JAZF1: variants seen among roughly 807,000 people sequenced by gnomAD.
The protein encoded by JAZF1 is juxtaposed with another zinc finger protein 1.
In JAZF1, 8 loss-of-function variants were observed where a neutral mutation model predicts 26.4. The ratio of observed to expected loss-of-function variants is 0.30; its 90% confidence interval spans 0.18 to 0.55. JAZF1 has a LOEUF of 0.55. Among genes scored for constraint, JAZF1 ranks in the 20% least tolerant of loss-of-function variants. The pLI is 0.94. For synonymous variants in JAZF1, 126 were observed against 122.3 expected, an observed-to-expected ratio of 1.03 and a Z score of -0.20; for missense variants, 199 against 322.0, an observed-to-expected ratio of 0.62 and a Z score of 2.92.
intron 1 of JAZF1, among the ~76,000 whole-genome samples, chr7:28,096,616 C>A (rs1784389669): frequency 6.6e-6 from 1 of 152,182 alleles, no homozygotes; most frequent in Non-Finnish European, 1.5e-5. Context: ...AACTGCAGCT[C>A]AAATCTGTTC....
chr7:27,972,952 TACACAC>T (rs35079442), intron 2 of JAZF1, among the ~76,000 whole-genome samples: 5 of 149,926 alleles, frequency 3.3e-5, no homozygotes, highest in Non-Finnish European at 4.4e-5. Flanking sequence ...TGTGTATATA[TACACAC>T]ACACACACAT....
intron 1 of JAZF1, among the ~76,000 whole-genome samples, chr7:28,165,363 G>C (rs562102209): frequency 6.6e-6 from 1 of 152,128 alleles, no homozygotes; most frequent in Non-Finnish European, 1.5e-5. Flanking sequence ...AAGAGAACTA[G>C]AGTGCCAGTT....
At chr7:28,151,723 G>A (rs890896747) in intron 1 of JAZF1, among the ~76,000 whole-genome samples, 3 of 151,788 alleles carry the variant, frequency 2.0e-5, no homozygotes, top group Non-Finnish European at 2.9e-5. Flanking sequence ...CCCGGGAGGC[G>A]GAGGTTGCAG....
At chr7:27,980,955 C>A (rs1785572668) in intron 2 of JAZF1, among the ~76,000 whole-genome samples, 1 of 152,152 alleles carries the variant, frequency 6.6e-6, no homozygotes, top group Non-Finnish European at 1.5e-5. Flanking sequence ...GCTTGGCCCT[C>A]TCTTTCATTT....
At chr7:27,960,935 A>G (rs890691471) in intron 2 of JAZF1, among the ~76,000 whole-genome samples, 4 of 152,212 alleles carry the variant, frequency 2.6e-5, no homozygotes, top group African/African-American at 4.8e-5. Flanking sequence ...TGACAGGCCA[A>G]AGAAAACCCT....
intron 2 of JAZF1, among the ~76,000 whole-genome samples, chr7:27,921,902 C>T (rs911449226): frequency 1.3e-5 from 2 of 152,138 alleles, no homozygotes; most frequent in African/African-American, 4.8e-5. Flanking sequence ...GAATTTATAT[C>T]ACACCTGGGC....
At chr7:27,986,654 C>T (rs1383381431) in intron 2 of JAZF1, among the ~76,000 whole-genome samples, 2 of 146,594 alleles carry the variant, frequency 1.4e-5, no homozygotes, top group Admixed American at 6.8e-5. Context: ...TCCCCCTCTC[C>T]CTCCCTCTCC....
At chr7:28,081,925 T>G (rs1784143376) in intron 1 of JAZF1, among the ~76,000 whole-genome samples, 1 of 152,232 alleles carries the variant, frequency 6.6e-6, no homozygotes, top group South Asian at 2.1e-4. Context: ...TATACCTGGA[T>G]GATACTAGAG....
intron 1 of JAZF1, among the ~76,000 whole-genome samples, chr7:28,113,967 A>G (rs1784702076): frequency 6.6e-6 from 1 of 152,224 alleles, no homozygotes; most frequent in Non-Finnish European, 1.5e-5. Context: ...TTACTTTGCT[A>G]AAGAGAGAAG....
chr7:28,062,224 G>A (rs998899218), intron 1 of JAZF1, among the ~76,000 whole-genome samples: 1 of 152,114 alleles, frequency 6.6e-6, no homozygotes, highest in African/African-American at 2.4e-5. Context: ...ATAATGGACT[G>A]GACTCGAAGC....
chr7:28,001,408 A>G (rs1377287618), intron 1 of JAZF1, among the ~76,000 whole-genome samples: 1 of 152,110 alleles, frequency 6.6e-6, no homozygotes, highest in Admixed American at 6.6e-5. Flanking sequence ...AAAACCAATA[A>G]TCTAAGACAG....
At chr7:28,035,593 G>T (rs1221779257) in intron 1 of JAZF1, among the ~76,000 whole-genome samples, 1 of 152,096 alleles carries the variant, frequency 6.6e-6, no homozygotes, top group Non-Finnish European at 1.5e-5. Flanking sequence ...CTGCAGGAGA[G>T]ATGATTGTGG....
intron 2 of JAZF1, among the ~76,000 whole-genome samples, chr7:27,964,993 T>A (rs541554844): frequency 1.1e-4 from 16 of 152,274 alleles, no homozygotes; most frequent in African/African-American, 3.8e-4. Context: ...ATTATCAGCA[T>A]GAGAATGACT....
chr7:28,114,807 T>G lies in JAZF1; in HGVS notation c.115+65656A>C, dbSNP rs1415990344. Among the ~76,000 whole-genome samples the G allele has an allele frequency of 2.0e-5, 3 of 150,494 alleles. No individual in the cohort carries two copies. In the East Asian group the frequency reaches 5.9e-4, roughly 29 times the overall value. On this transcript the variant is annotated intron_variant, in intron 1 of 4. Coordinates refer to ENST00000283928, the MANE Select transcript of JAZF1 (RefSeq NM_175061.4). ...CTATAAGAAAATGGGACAGGGGAAC[T>G]AGGGATGCCTCATCAAAAAAGGTGC... is the stretch of plus-strand genomic sequence containing the variant.
intron 1 of JAZF1, among the ~76,000 whole-genome samples, chr7:28,149,782 T>G (rs1322838917): frequency 1.3e-5 from 2 of 152,202 alleles, no homozygotes; most frequent in African/African-American, 2.4e-5. Context: ...GCTAAATAAT[T>G]ACTGATTAAT....
chr7:27,888,143 C>T (rs897241874), intron 3 of JAZF1, among the ~76,000 whole-genome samples: 16 of 152,210 alleles, frequency 1.1e-4, no homozygotes, highest in Middle Eastern at 3.4e-3. Flanking sequence ...CAGATCAATA[C>T]GAAGATTTTA....
chr7:28,160,691 G>A (rs1783270690), intron 1 of JAZF1, among the ~76,000 whole-genome samples: 1 of 152,168 alleles, frequency 6.6e-6, no homozygotes, highest in South Asian at 2.1e-4. Context: ...CTGTGTTTTA[G>A]GAAGGTCACG....
At chr7:28,071,590 C>CA in intron 1 of JAZF1, 1 of 471,744 alleles carries the variant, frequency 2.1e-6, no homozygotes, top group Non-Finnish European at 4.4e-6. Flanking sequence ...CCTAATCTGC[C>CA]AAGATTTCAG....
chr7:27,970,421 C>A (rs57691605), intron 2 of JAZF1, among the ~76,000 whole-genome samples: 1 of 152,112 alleles, frequency 6.6e-6, no homozygotes, highest in Admixed American at 6.5e-5. Context: ...TTTAAGAGAT[C>A]TGTGAACCTG....
Sources: gnomAD v4.1 joint callset for allele counts (sites outside exome capture counted in the v4.1 genomes callset) on GRCh38, gnomAD v4.1.1 for gene constraint, MANE v1.5 for transcripts, NCBI Gene and HGNC (gene_info 2026-07-23, HGNC 2026-07-21) for gene names.